SCHIP1: variants seen among roughly 807,000 people sequenced by gnomAD.
SCHIP1 encodes schwannomin interacting protein 1.
SCHIP1 carries 8 observed loss-of-function variants against 29.7 expected under a neutral mutation model. The observed-to-expected ratio is 0.27, with a 90% confidence interval of 0.16 to 0.49. The LOEUF (loss-of-function observed/expected upper bound fraction) is 0.49. Ranked by LOEUF, SCHIP1 falls within the 20% of genes least tolerant of loss-of-function variation. SCHIP1 has a pLI of 0.99. For missense variants in SCHIP1, 193 were observed against 294.6 expected (o/e 0.66, Z 2.52); for synonymous variants, 76 against 94.9 (o/e 0.80, Z 1.16).
the SCHIP1 span, among the ~76,000 whole-genome samples, chr3:159,450,432 G>A: frequency 1.6e-3 from 241 of 152,308 alleles, 1 homozygote; most frequent in African/African-American, 5.6e-3. Context: ...ATAAGCAATG[G>A]CTCCACTCAT....
intron 1 of SCHIP1, among the ~76,000 whole-genome samples, chr3:159,840,624 T>G (rs1401620092): frequency 1.3e-5 from 2 of 152,232 alleles, no homozygotes; most frequent in African/African-American, 4.8e-5. Context: ...TAGGACTATC[T>G]TTAAGAAATT....
At chr3:159,615,664 T>C in the SCHIP1 span, among the ~76,000 whole-genome samples, 1 of 152,210 alleles carries the variant, frequency 6.6e-6, no homozygotes, top group East Asian at 1.9e-4. Flanking sequence ...CCTTGGCAGA[T>C]GGTGTGGGGG....
the SCHIP1 span, among the ~76,000 whole-genome samples, chr3:159,674,489 C>T: frequency 0.048 from 7,312 of 151,620 alleles, 640 homozygotes; most frequent in African/African-American, 0.17. Context: ...CTGGAAGTCC[C>T]GGCAGTCTTT....
At chr3:159,739,124 CG>C in the SCHIP1 span, among the ~76,000 whole-genome samples, 5 of 152,094 alleles carry the variant, frequency 3.3e-5, no homozygotes, top group African/African-American at 1.2e-4. Flanking sequence ...GGACAGGGAC[CG>C]GGGATGATAA....
the SCHIP1 span, chr3:159,401,122 G>A: frequency 1.1e-6 from 1 of 941,596 alleles, no homozygotes; most frequent in Non-Finnish European, 1.3e-6. Flanking sequence ...TTCACCAACA[G>A]TGAGCAACTT....
chr3:159,786,710 CTG>C, the SCHIP1 span, among the ~76,000 whole-genome samples: 582 of 142,230 alleles, frequency 4.1e-3, 4 homozygotes, highest in African/African-American at 7.8e-3. Context: ...CGCGTGTGCA[CTG>C]TGTGTGTGTG....
chr3:159,862,366 A>G (rs1714151021), intron 1 of SCHIP1, among the ~76,000 whole-genome samples: 4 of 152,226 alleles, frequency 2.6e-5, no homozygotes, highest in Non-Finnish European at 5.9e-5. Flanking sequence ...GTAACCTTTC[A>G]TCTCCCTCAG....
At chr3:159,315,558 T>C in the SCHIP1 span, among the ~76,000 whole-genome samples, 6,340 of 151,898 alleles carry the variant, frequency 0.042, 434 homozygotes, top group African/African-American at 0.15. Context: ...TTTTTATATA[T>C]ATATTCATAA....
chr3:159,585,155 T>C, the SCHIP1 span, among the ~76,000 whole-genome samples: 2 of 151,980 alleles, frequency 1.3e-5, no homozygotes, highest in Non-Finnish European at 2.9e-5. Flanking sequence ...TACTAGATAA[T>C]TGACTTCTGT....
the SCHIP1 span, among the ~76,000 whole-genome samples, chr3:159,705,769 C>T: frequency 1.4e-4 from 22 of 152,152 alleles, no homozygotes; most frequent in East Asian, 3.9e-4. Context: ...TGCAGTGGCG[C>T]GATCTCGGCT....
the SCHIP1 span, among the ~76,000 whole-genome samples, chr3:159,366,311 C>G: frequency 9.8e-6 from 1 of 101,924 alleles, no homozygotes; most frequent in Non-Finnish European, 2.3e-5. Context: ...ATGATCCAAA[C>G]CCCACCCACC....
the SCHIP1 span, among the ~76,000 whole-genome samples, chr3:159,467,657 A>G: frequency 6.6e-6 from 1 of 152,108 alleles, no homozygotes; most frequent in East Asian, 1.9e-4. Context: ...TGTCTTAACA[A>G]TAGAAAAAAA....
chr3:159,844,210 A>G (rs1267094637), intron 1 of SCHIP1, among the ~76,000 whole-genome samples: 2 of 152,212 alleles, frequency 1.3e-5, no homozygotes, highest in African/African-American at 4.8e-5. Flanking sequence ...TCTTGCTAAT[A>G]TGTAGAAATA....
At chr3:159,617,922 A>T in the SCHIP1 span, among the ~76,000 whole-genome samples, 1 of 152,126 alleles carries the variant, frequency 6.6e-6, no homozygotes, top group African/African-American at 2.4e-5. Context: ...TCAAGAGTTC[A>T]CCCTTCCCCT....
At chr3:159,356,451 T>C in the SCHIP1 span, among the ~76,000 whole-genome samples, 3 of 152,260 alleles carry the variant, frequency 2.0e-5, no homozygotes, top group South Asian at 6.2e-4. Flanking sequence ...AGGATGGTAG[T>C]GTGTTATTTA....
the SCHIP1 span, among the ~76,000 whole-genome samples, chr3:159,402,926 T>TATAATAATAATA: frequency 2.0e-5 from 3 of 151,310 alleles, no homozygotes; most frequent in South Asian, 4.2e-4. Context: ...AAACTTAAAG[T>TATAATAATAATA]ATAATAATAA....
At chr3:159,592,957 A>G in the SCHIP1 span, among the ~76,000 whole-genome samples, 3 of 152,178 alleles carry the variant, frequency 2.0e-5, no homozygotes, top group Non-Finnish European at 4.4e-5. Flanking sequence ...GTTATCGAGC[A>G]TCTGTTATGC....
Position 159,888,011 on chromosome 3 carries a change from G to A in SCHIP1, c.465+106G>A, listed in dbSNP as rs143972868. ...ATGCAAACTTGTGTTTCTCTAAGGC[G>A]GTTTGTAAAAAGTCCTGTCATTGAG... is the stretch of plus-strand genomic sequence containing the variant. On this transcript the variant is annotated intron_variant, in intron 4 of 6. Transcript: ENST00000445224. The A allele has an allele frequency of 1.4e-3, 2,063 of 1,457,896 alleles. 23 individuals carry two copies. In the African/African-American group the frequency reaches 0.027, roughly 19 times the overall value. The allele number at this position is 1,457,896 out of a possible 1,614,324, so 90.3% of individuals were successfully genotyped here. A position where few individuals can be genotyped will look rare whatever the true frequency, so the allele number is the denominator to read the frequency against.
chr3:159,713,237 A>G, the SCHIP1 span, among the ~76,000 whole-genome samples: 50 of 40,994 alleles, frequency 1.2e-3, no homozygotes, highest in East Asian at 7.3e-3. Flanking sequence ...AGAAAGGAAG[A>G]AAGAAAGAAA....
Sources: gnomAD v4.1 joint callset for allele counts (sites outside exome capture counted in the v4.1 genomes callset) on GRCh38, gnomAD v4.1.1 for gene constraint, MANE v1.5 for transcripts, NCBI Gene and HGNC (gene_info 2026-07-23, HGNC 2026-07-21) for gene names.